The following CORO7 variants were observed in gnomAD, a reference collection of about 807,000 sequenced individuals.
CORO7 encodes coronin 7, also known as coronin-7.
CORO7 carries 107 observed loss-of-function variants against 126.6 expected under a neutral mutation model. The ratio of observed to expected loss-of-function variants is 0.85; its 90% CI spans 0.72 to 0.99. CORO7 has a LOEUF of 0.99. Among genes scored for constraint, CORO7 ranks in the 50% least tolerant of loss-of-function variants. The probability of loss-of-function intolerance (pLI) is 0.00; values close to 1 mark genes in which losing one functional copy is unlikely to be tolerated. For synonymous variants in CORO7, 603 were observed against 536.8 expected, an observed-to-expected ratio of 1.12 and a Z score of -1.70; for missense variants, 1,314 against 1,255.8, an observed-to-expected ratio of 1.05 and a Z score of -0.70.
rs200682379 is a variant in CORO7, at chr16:4,361,429, G to A, written c.1619C>T (p.Thr540Met). 172 of 1,612,068 alleles carry A rather than the reference G, an allele frequency of 1.1e-4. 1 individual carries two copies. The highest frequency in any genetic ancestry group is 1.1e-4 in the Non-Finnish European group (127 of 1,179,762). Residue 540 changes from threonine (T) to methionine (M), a missense_variant, in exon 17 of 28, where the codon ACG (threonine) becomes ATG (methionine). Transcript: ENST00000251166. ...PGRLPDTALP[T>M]LQNGAAVTDL... ...AGTCACAGCTGCCCCATTCTGCAGCGTGGGCAGTGCCGTGTCGGGCAGGCG... is the reference window on the plus strand; with the variant it reads ...AGTCACAGCTGCCCCATTCTGCAGCATGGGCAGTGCCGTGTCGGGCAGGCG...
intron 19 of CORO7, 72 bp from the exon 20 acceptor site, chr16:4,360,620 C>A: frequency 6.6e-7 from 1 of 1,521,058 alleles, no homozygotes; most frequent in South Asian, 1.2e-5. Context: ...CTGCTCCTGC[C>A]CCTCCTCACT....
In CORO7 at chr16:4,364,691, T is replaced by A. The variant is rs200760696; in HGVS notation, c.1045-2A>T. The A allele has an allele frequency of 2.2e-5, 35 of 1,584,252 alleles. No homozygotes were observed. The East Asian group carries it at 7.6e-4, about 34-fold the overall frequency. On this transcript the variant is annotated splice_acceptor_variant, in intron 12 of 27. Transcript: ENST00000251166. LOFTEE classifies it high-confidence loss of function. ...CAGGTCCTCGTGGAACTCCACAGCC[T>A]GGCCGCAGACAAGCAGGCAGCTAGT...
At chr16:4,374,166 C>T (rs1332938334) in intron 9 of CORO7, among the ~76,000 whole-genome samples, 3 of 123,112 alleles carry the variant, frequency 2.4e-5, no homozygotes, top group Non-Finnish European at 4.8e-5. Flanking sequence ...GTGCGCGTGA[C>T]TGGAGCAGGG....
intron 9 of CORO7, among the ~76,000 whole-genome samples, chr16:4,384,994 C>T (rs966024794): frequency 1.3e-5 from 2 of 151,932 alleles, no homozygotes; most frequent in Non-Finnish European, 2.9e-5. Context: ...TGGCAGGGCC[C>T]AAAAAAAGGA....
intron 23 of CORO7, 83 bp from the exon 24 acceptor site, chr16:4,358,566 CCTCACT>C: frequency 7.3e-7 from 1 of 1,375,254 alleles, no homozygotes; most frequent in Non-Finnish European, 9.7e-7. Context: ...TGCCGGCACC[CCTCACT>C]TAGGACCACC....
In CORO7 at chr16:4,361,268, G is replaced by T. The variant is rs2054170843; in HGVS notation, c.1688-20C>A. On this transcript the variant is annotated intron_variant, in intron 17 of 27. Transcript: ENST00000251166. ...CACCAGCTGCAGAGGACAGACAGGG[G>T]CTCATCATTGCTGAGCCCAAGACCT... 6.2e-7 allele frequency: 1 copy of T among 1,612,110 alleles called. No homozygotes were observed. Among genetic ancestry groups the T allele is most frequent in the Non-Finnish European group, 8.5e-7 (1 of 1,179,750 alleles).
chr16:4,364,043 G>C (rs1424896522), intron 14 of CORO7, among the ~76,000 whole-genome samples: 1 of 150,852 alleles, frequency 6.6e-6, no homozygotes, highest in African/African-American at 2.4e-5. Flanking sequence ...AAATATAGTC[G>C]GCCATGGTGG....
chr16:4,357,355 CTTTT>C (rs61391325), intron 25 of CORO7, 96 bp from the exon 26 acceptor site: 2,174 of 723,260 alleles, frequency 3.0e-3, no homozygotes, highest in East Asian at 4.2e-3. Flanking sequence ...TTCTTTCTTT[CTTTT>C]TTTTTTTTTT....
At chr16:4,407,468 G>A (rs1164554396) in intron 5 of CORO7, 33 bp downstream of exon 5, 3 of 1,553,974 alleles carry the variant, frequency 1.9e-6, no homozygotes, top group Non-Finnish European at 8.7e-7. Context: ...GAGTGGGGCT[G>A]CCCTGGGAAG....
intron 7 of CORO7, among the ~76,000 whole-genome samples, chr16:4,390,841 G>T (rs564391405): frequency 6.6e-6 from 1 of 152,204 alleles, no homozygotes; most frequent in African/African-American, 2.4e-5. Context: ...GCACAAAGTC[G>T]CAGCTAGGAG....
chr16:4,401,175 A>ATGGTCTTCCAGTG (rs1292867660), intron 6 of CORO7, among the ~76,000 whole-genome samples: 4 of 152,224 alleles, frequency 2.6e-5, no homozygotes, highest in African/African-American at 9.6e-5. Context: ...ATGGAAGGAC[A>ATGGTCTTCCAGTG]AACAGAGCTT....
chr16:4,365,461 T>G, intron 10 of CORO7, 30 bp downstream of exon 10: 3 of 1,555,404 alleles, frequency 1.9e-6, no homozygotes, highest in Non-Finnish European at 2.6e-6. Flanking sequence ...AGGCTGTGGA[T>G]GTGGGTGGGA....
intron 7 of CORO7, among the ~76,000 whole-genome samples, chr16:4,391,403 A>T (rs997260205): frequency 1.3e-5 from 2 of 152,198 alleles, no homozygotes; most frequent in Non-Finnish European, 2.9e-5. Context: ...CAAAAATACA[A>T]AAATTAGCTG....
At position 4,361,387 on chromosome 16, in the gene CORO7, G is replaced by T; in HGVS notation, c.1661C>A (p.Pro554His). The T allele has an allele frequency of 1.2e-6, 2 of 1,612,164 alleles. No homozygotes were observed. The highest frequency in any genetic ancestry group is 1.7e-5 in the Admixed American group (1 of 59,788). The change falls in exon 17 of 28, where the codon CCC becomes CAC. Residue 554 changes from proline to histidine, a missense_variant. Coordinates refer to ENST00000251166, the MANE Select transcript of CORO7 (RefSeq NM_024535.5). ...GAAVTDLAWD[P>H]FDPHRLAVAG... The stretch of plus-strand genomic sequence containing the variant: ...CACAGCGAGGCGATGGGGGTCAAAG[G>T]GGTCCCAGGCCAGATCAGTCACAGC...
intron 24 of CORO7, 55 bp downstream of exon 24, chr16:4,358,312 C>T (rs749265894): frequency 1.9e-6 from 3 of 1,590,928 alleles, no homozygotes; most frequent in Admixed American, 3.6e-5. Flanking sequence ...ACCCAAACTC[C>T]CCTCTAGGCA....
intron 6 of CORO7, among the ~76,000 whole-genome samples, chr16:4,395,592 A>G (rs547221896): frequency 6.6e-6 from 1 of 152,314 alleles, no homozygotes; most frequent in Admixed American, 6.5e-5. Context: ...AGGAGTGTTC[A>G]GCTTCCTGAG....
chr16:4,369,388 G>A (rs1030125373), intron 9 of CORO7, among the ~76,000 whole-genome samples: 1 of 152,240 alleles, frequency 6.6e-6, no homozygotes, highest in African/African-American at 2.4e-5. Context: ...GGCCAGAGGT[G>A]GTAAGAGGTA....
chr16:4,372,283 C>T (rs1020608669), intron 9 of CORO7, among the ~76,000 whole-genome samples: 1 of 152,338 alleles, frequency 6.6e-6, no homozygotes, highest in South Asian at 2.1e-4. Context: ...CATGCTTCCT[C>T]CTCCCACGGC....
At chr16:4,358,602 G>A (rs1311710426) in intron 23 of CORO7, 119 bp from the exon 24 acceptor site, 1 of 864,868 alleles carries the variant, frequency 1.2e-6, no homozygotes, top group African/African-American at 1.7e-5. Flanking sequence ...GCCTGTCCCT[G>A]GACAGTAACG....
Sources: allele counts gnomAD v4.1 joint callset (sites outside exome capture counted in the v4.1 genomes callset), GRCh38; gene constraint gnomAD v4.1.1; transcripts MANE v1.5; gene names NCBI Gene and HGNC (gene_info 2026-07-23, HGNC 2026-07-21).